SLC14A2: variants seen among roughly 807,000 people sequenced by gnomAD.
SLC14A2 encodes solute carrier family 14 member 2, also known as urea transporter 2.
A neutral mutation model predicts 104.6 loss-of-function variants in SLC14A2; 91 were observed. That is an observed-to-expected ratio of 0.87 (90% confidence interval 0.73 to 1.04). The LOEUF (loss-of-function observed/expected upper bound fraction) is 1.04, where lower values mean the gene tolerates loss of function less well. Ranked by LOEUF, SLC14A2 falls within the 50% of genes least tolerant of loss-of-function variation. The pLI is 0.00. For synonymous variants in SLC14A2, 476 were observed against 466.4 expected (o/e 1.02, Z -0.27); for missense variants, 1,189 against 1,156.0 (o/e 1.03, Z -0.41).
chr18:45,505,496 C>A (rs2043268058), intron 2 of SLC14A2, among the ~76,000 whole-genome samples: 1 of 152,150 alleles, frequency 6.6e-6, no homozygotes, highest in Non-Finnish European at 1.5e-5. Flanking sequence ...TCCTATGGGA[C>A]CCAGCAGGAA....
At chr18:45,594,196 G>A (rs1435827470) in intron 2 of SLC14A2, among the ~76,000 whole-genome samples, 1 of 152,188 alleles carries the variant, frequency 6.6e-6, no homozygotes, top group Non-Finnish European at 1.5e-5. Flanking sequence ...TAATTTGTAT[G>A]GCACACACTA....
chr18:45,284,674 C>A (rs777931874), intron 1 of SLC14A2, among the ~76,000 whole-genome samples: 1 of 152,106 alleles, frequency 6.6e-6, no homozygotes, highest in Non-Finnish European at 1.5e-5. Context: ...CCCTCTGTTT[C>A]TTTTTTCCTG....
intron 1 of SLC14A2, among the ~76,000 whole-genome samples, chr18:45,347,294 G>C (rs1045431692): frequency 6.6e-6 from 1 of 152,172 alleles, no homozygotes; most frequent in Non-Finnish European, 1.5e-5. Flanking sequence ...GACAGAGGTT[G>C]CATTGAGTCA....
At chr18:45,266,596 ACTTT>A (rs886593848) in intron 1 of SLC14A2, among the ~76,000 whole-genome samples, 1 of 152,192 alleles carries the variant, frequency 6.6e-6, no homozygotes, top group African/African-American at 2.4e-5. Context: ...AGTTGTTGAT[ACTTT>A]CTTTATAGCC....
intron 1 of SLC14A2, among the ~76,000 whole-genome samples, chr18:45,271,949 G>T (rs1453923714): frequency 6.6e-6 from 1 of 151,914 alleles, no homozygotes; most frequent in Non-Finnish European, 1.5e-5. Context: ...ATAAAAATAG[G>T]CACATAAACT....
At chr18:45,191,103 C>CT in the SLC14A2 span, among the ~76,000 whole-genome samples, 1 of 152,090 alleles carries the variant, frequency 6.6e-6, no homozygotes, top group Non-Finnish European at 1.5e-5. Context: ...GCCCTCCCAG[C>CT]TTTCCTCCTC....
intron 2 of SLC14A2, among the ~76,000 whole-genome samples, chr18:45,527,311 C>G (rs1175731708): frequency 6.6e-6 from 1 of 152,184 alleles, no homozygotes; most frequent in East Asian, 1.9e-4. Flanking sequence ...AAATCCAAGA[C>G]TTGAGATGAT....
At chr18:45,589,308 A>C (rs1371766008) in intron 2 of SLC14A2, among the ~76,000 whole-genome samples, 1 of 151,990 alleles carries the variant, frequency 6.6e-6, no homozygotes, top group East Asian at 1.9e-4. Flanking sequence ...GAAAGGAAAA[A>C]AAGCTGGAGA....
intron 1 of SLC14A2, among the ~76,000 whole-genome samples, chr18:45,289,203 A>G (rs2084845356): frequency 6.6e-6 from 1 of 152,012 alleles, no homozygotes; most frequent in South Asian, 2.1e-4. Flanking sequence ...ATTACATTTT[A>G]TTGCTTATTT....
At chr18:45,190,374 C>T in the SLC14A2 span, among the ~76,000 whole-genome samples, 57 of 152,294 alleles carry the variant, frequency 3.7e-4, no homozygotes, top group African/African-American at 1.3e-3. Flanking sequence ...AAGGAGGACA[C>T]ATTTACAAAT....
At chr18:45,417,917 A>G (rs2086295787) in intron 1 of SLC14A2, among the ~76,000 whole-genome samples, 1 of 152,212 alleles carries the variant, frequency 6.6e-6, no homozygotes, top group Non-Finnish European at 1.5e-5. Flanking sequence ...GCCAACTTCT[A>G]ACACTCTTTT....
intron 1 of SLC14A2, among the ~76,000 whole-genome samples, chr18:45,406,522 C>T (rs564504579): frequency 5.9e-5 from 9 of 152,222 alleles, no homozygotes; most frequent in Non-Finnish European, 1.3e-4. Context: ...CATAAATGTT[C>T]TTAATGGCAT....
chr18:45,642,983 G>T (rs1051357825), intron 8 of SLC14A2, 149 bp from the exon 9 acceptor site: 1 of 674,834 alleles, frequency 1.5e-6, no homozygotes, highest in Admixed American at 2.4e-5. Flanking sequence ...AGGCAAGCAT[G>T]CCAGCTGTCA....
At chr18:45,267,310 T>C (rs2084602022) in intron 1 of SLC14A2, among the ~76,000 whole-genome samples, 1 of 152,112 alleles carries the variant, frequency 6.6e-6, no homozygotes, top group South Asian at 2.1e-4. Flanking sequence ...CCTCTTAGTC[T>C]CCATGCTCTG....
chr18:45,364,644 T>C (rs1285621082), intron 1 of SLC14A2, among the ~76,000 whole-genome samples: 1 of 152,214 alleles, frequency 6.6e-6, no homozygotes, highest in Non-Finnish European at 1.5e-5. Context: ...CTGAAAGATG[T>C]CCATGATATG....
chr18:45,227,094 G>C (rs1211110672), intron 1 of SLC14A2, among the ~76,000 whole-genome samples: 2 of 152,130 alleles, frequency 1.3e-5, no homozygotes, highest in African/African-American at 4.8e-5. Context: ...TCATCATTTA[G>C]CAGGAAAGTA....
intron 1 of SLC14A2, chr18:45,483,052 T>C (rs2087527334): frequency 6.6e-6 from 1 of 152,210 alleles, no homozygotes; most frequent in Admixed American, 6.5e-5. Context: ...TTAACAGTAG[T>C]TGTATCTAGA....
At chr18:45,369,672 G>A (rs1334816403) in intron 1 of SLC14A2, among the ~76,000 whole-genome samples, 1 of 152,170 alleles carries the variant, frequency 6.6e-6, no homozygotes, top group Non-Finnish European at 1.5e-5. Flanking sequence ...TCATGTGTGT[G>A]TATATTTACA....
chr18:45,417,229 GT>G (rs201446847), intron 1 of SLC14A2, among the ~76,000 whole-genome samples: 7 of 151,810 alleles, frequency 4.6e-5, no homozygotes, highest in Non-Finnish European at 1.0e-4. Context: ...AAATTATGGG[GT>G]TTTTTTTAAG....
Sources: gnomAD v4.1 joint callset for allele counts (sites outside exome capture counted in the v4.1 genomes callset) on GRCh38, gnomAD v4.1.1 for gene constraint, MANE v1.5 for transcripts, NCBI Gene and HGNC (gene_info 2026-07-23, HGNC 2026-07-21) for gene names.